Variants in AKAP19 observed in about 807,000 individuals in gnomAD.
The protein encoded by AKAP19 is A-kinase anchoring protein 19.
chr2:189,927,528 G>A, the AKAP19 span, among the ~76,000 whole-genome samples: 1 of 152,036 alleles, frequency 6.6e-6, no homozygotes, highest in Admixed American at 6.6e-5. Context: ...ATAGTATGAA[G>A]AATTCTGTAT....
At chr2:190,062,640 C>A in the AKAP19 span, 7 of 1,589,432 alleles carry the variant, frequency 4.4e-6, no homozygotes, top group Non-Finnish European at 6.0e-6. Context: ...CTTGTTTCTT[C>A]CTTTTACTTT....
At chr2:190,088,474 C>T in the AKAP19 span, among the ~76,000 whole-genome samples, 6 of 151,624 alleles carry the variant, frequency 4.0e-5, no homozygotes, top group Non-Finnish European at 7.4e-5. Context: ...TGGAAAAGGA[C>T]GTAAAAAGAA....
At chr2:190,003,645 C>G in the AKAP19 span, among the ~76,000 whole-genome samples, 1 of 152,150 alleles carries the variant, frequency 6.6e-6, no homozygotes, top group Non-Finnish European at 1.5e-5. Flanking sequence ...CGGCGGATCT[C>G]TTGAGACCAG....
At chr2:190,164,554 T>C in the AKAP19 span, among the ~76,000 whole-genome samples, 5 of 152,134 alleles carry the variant, frequency 3.3e-5, no homozygotes, top group Non-Finnish European at 7.4e-5. Context: ...GTAAGTTAAT[T>C]AATTAAAGGC....
chr2:189,988,536 T>C, the AKAP19 span, among the ~76,000 whole-genome samples: 1 of 152,242 alleles, frequency 6.6e-6, no homozygotes, highest in African/African-American at 2.4e-5. Flanking sequence ...TATTGTTTCC[T>C]CATATGAGAA....
chr2:189,947,510 C>T, the AKAP19 span, among the ~76,000 whole-genome samples: 1 of 152,176 alleles, frequency 6.6e-6, no homozygotes, highest in African/African-American at 2.4e-5. Context: ...GACACTTTGT[C>T]ACCAGAAAGA....
the AKAP19 span, among the ~76,000 whole-genome samples, chr2:190,053,504 C>G: frequency 6.6e-6 from 1 of 152,052 alleles, no homozygotes; most frequent in Non-Finnish European, 1.5e-5. Context: ...AAATTTAGTA[C>G]CATTTTTCAT....
chr2:190,077,036 C>A, the AKAP19 span, among the ~76,000 whole-genome samples: 3 of 151,828 alleles, frequency 2.0e-5, no homozygotes, highest in East Asian at 5.8e-4. Context: ...TTTTTTTTTC[C>A]TGCAGTATCT....
chr2:190,040,150 AG>A, the AKAP19 span, among the ~76,000 whole-genome samples: 1 of 152,218 alleles, frequency 6.6e-6, no homozygotes, highest in Non-Finnish European at 1.5e-5. Context: ...ACGGCGTATA[AG>A]TGTTCCTTTT....
the AKAP19 span, among the ~76,000 whole-genome samples, chr2:190,101,088 G>C: frequency 6.6e-6 from 1 of 152,220 alleles, no homozygotes; most frequent in African/African-American, 2.4e-5. Context: ...GTTGAGAGGA[G>C]GATGCCATTT....
At chr2:189,898,750 C>A in the AKAP19 span, among the ~76,000 whole-genome samples, 1 of 152,154 alleles carries the variant, frequency 6.6e-6, no homozygotes, top group African/African-American at 2.4e-5. Context: ...AAGCTCTAAT[C>A]ACTTCTGGCC....
the AKAP19 span, among the ~76,000 whole-genome samples, chr2:190,148,350 T>C: frequency 1.3e-5 from 2 of 152,354 alleles, no homozygotes; most frequent in Admixed American, 1.3e-4. Context: ...ATCCCTGGTA[T>C]GAAACCCAAT....
At chr2:190,174,877 T>C in the AKAP19 span, among the ~76,000 whole-genome samples, 1 of 152,224 alleles carries the variant, frequency 6.6e-6, no homozygotes, top group South Asian at 2.1e-4. Context: ...AGTAATGTTC[T>C]TCTCTGTTTA....
At chr2:190,158,614 A>G in the AKAP19 span, among the ~76,000 whole-genome samples, 3 of 152,200 alleles carry the variant, frequency 2.0e-5, no homozygotes, top group Admixed American at 6.5e-5. Context: ...TCATAGTATC[A>G]CGTTATCATT....
At chr2:190,003,336 C>T in the AKAP19 span, among the ~76,000 whole-genome samples, 1 of 151,942 alleles carries the variant, frequency 6.6e-6, no homozygotes, top group Non-Finnish European at 1.5e-5. Context: ...TTATCTATTA[C>T]TTATATCATT....
the AKAP19 span, among the ~76,000 whole-genome samples, chr2:190,196,950 A>G: frequency 6.6e-6 from 1 of 152,140 alleles, no homozygotes; most frequent in Non-Finnish European, 1.5e-5. Flanking sequence ...TTTATTTCTC[A>G]TGGTTCTGGA....
At chr2:190,116,856 C>T in the AKAP19 span, among the ~76,000 whole-genome samples, 26 of 152,120 alleles carry the variant, frequency 1.7e-4, no homozygotes, top group African/African-American at 6.3e-4. Flanking sequence ...CATACTTTTT[C>T]CCCAAGACCC....
the AKAP19 span, among the ~76,000 whole-genome samples, chr2:190,097,859 C>CAAAAAAAAAAAAAAAAAAAAAAA: frequency 3.1e-5 from 2 of 64,510 alleles, no homozygotes; most frequent in Admixed American, 2.1e-4. Context: ...TGGTTTCTAC[C>CAAAAAAAAAAAAAAAAAAAAAAA]AAAAAAAAAA....
At chr2:190,194,979 T>C in the AKAP19 span, among the ~76,000 whole-genome samples, 30 of 152,226 alleles carry the variant, frequency 2.0e-4, no homozygotes, top group African/African-American at 7.0e-4. Flanking sequence ...CTCGGCTTCC[T>C]GAGTAGTTAA....
Sources: allele counts gnomAD v4.1 joint callset (sites outside exome capture counted in the v4.1 genomes callset), GRCh38; gene constraint gnomAD v4.1.1; transcripts MANE v1.5; gene names NCBI Gene and HGNC (gene_info 2026-07-23, HGNC 2026-07-21).